CHST15: variants seen among roughly 807,000 people sequenced by gnomAD.
The protein encoded by CHST15 is B cell RAG associated protein (GALNAC4S-6ST).
In CHST15, 30 loss-of-function variants were observed where a neutral mutation model predicts 53.6. The ratio of observed to expected loss-of-function variants is 0.56; its 90% CI spans 0.42 to 0.76. CHST15 has a LOEUF of 0.76. CHST15 is among the 30% of genes least tolerant of loss of function. CHST15 has a pLI of 0.00. For synonymous variants in CHST15, 296 were observed against 289.8 expected (o/e 1.02, Z -0.22); for missense variants, 627 against 740.5 (o/e 0.85, Z 1.78).
chr10:124,042,740 T>C (rs1947791610), intron 3 of CHST15, among the ~76,000 whole-genome samples: 1 of 152,136 alleles, frequency 6.6e-6, no homozygotes, highest in Admixed American at 6.5e-5. Flanking sequence ...TAGAAACATG[T>C]CTGCTTGGAG....
intron 5 of CHST15, among the ~76,000 whole-genome samples, chr10:124,037,615 T>C (rs1484744081): frequency 4.6e-5 from 7 of 152,318 alleles, no homozygotes; most frequent in Admixed American, 4.6e-4. Flanking sequence ...CCTGAGATTC[T>C]GCATTCACAC....
chr10:124,047,944 C>T (rs930286117), intron 1 of CHST15, among the ~76,000 whole-genome samples: 5 of 152,226 alleles, frequency 3.3e-5, no homozygotes, highest in Admixed American at 2.0e-4. Flanking sequence ...CACGCCACCC[C>T]TCAAACAACC....
chr10:124,049,173 G>A (rs759816587), intron 1 of CHST15, among the ~76,000 whole-genome samples: 2 of 152,150 alleles, frequency 1.3e-5, no homozygotes, highest in Admixed American at 1.3e-4. Flanking sequence ...TGAGTGTTGC[G>A]CATGTCCAGG....
Position 124,073,797 on chromosome 10 carries a change from T to C in CHST15, c.-513+19672A>G, listed in dbSNP as rs78576599. Among the ~76,000 whole-genome samples, 898 of 152,350 alleles carry C rather than the reference T, an allele frequency of 5.9e-3. 6 individuals are homozygous for C. The highest frequency in any genetic ancestry group is 0.02 in the African/African-American group (817 of 41,584). On this transcript the variant is annotated intron_variant, in intron 1 of 7. Coordinates refer to ENST00000435907, the MANE Select transcript of CHST15 (RefSeq NM_001270764.2). ...AAACCAAAGCTCCTCTGTTTGTGCATTTTAAAATGGTTAACAGAGCTCGTA... is the reference window on the plus strand; with the variant it reads ...AAACCAAAGCTCCTCTGTTTGTGCACTTTAAAATGGTTAACAGAGCTCGTA...
intron 1 of CHST15, among the ~76,000 whole-genome samples, chr10:124,079,066 G>A (rs920209185): frequency 1.3e-5 from 2 of 152,192 alleles, no homozygotes; most frequent in East Asian, 3.8e-4. Context: ...TAGGACTCAT[G>A]TGACTTGGGA....
At chr10:124,064,334 T>G (rs1249373962) in intron 1 of CHST15, among the ~76,000 whole-genome samples, 1 of 152,200 alleles carries the variant, frequency 6.6e-6, no homozygotes, top group African/African-American at 2.4e-5. Flanking sequence ...TCAGATTAAG[T>G]AAGAATTTCG....
Position 124,044,705 on chromosome 10 carries a change from G to A in CHST15, c.761C>T (p.Pro254Leu). ...GGGCTGCCCTATGATGTAGAAGTGC[G>A]GCAGGCAGCGCAGGCGGAAGTGCTT... ...HGKHFRLRCL[P>L]HFYIIGQPKC... is the part of the protein sequence containing the mutation. The change falls in exon 3 of 8, where the codon CCG becomes CTG. Residue 254 changes from proline (P) to leucine (L), a missense_variant. Pro to Leu is a moderately conservative substitution (Grantham distance 98, BLOSUM62 -3). Coordinates refer to ENST00000435907, the MANE Select transcript of CHST15 (RefSeq NM_001270764.2). 2 of 1,613,864 alleles carry A rather than the reference G, an allele frequency of 1.2e-6. No homozygotes were observed. The highest frequency in any genetic ancestry group is 1.3e-5 in the African/African-American group (1 of 75,032).
Position 124,044,683 on chromosome 10 carries a change from C to A in CHST15, c.783G>T (p.Gln261His). 6.2e-7 allele frequency: 1 copy of A among 1,613,678 alleles called. No homozygotes were observed. Among genetic ancestry groups the A allele is most frequent in the Non-Finnish European group, 8.5e-7 (1 of 1,179,832 alleles). ...RCLPHFYIIG[Q>H]PKCGTTDLYD... ...AGAGGTCTGTGGTCCCGCACTTGGG[C>A]TGCCCTATGATGTAGAAGTGCGGCA... The change falls in exon 3 of 8, where the codon CAG (glutamine) becomes CAT (histidine). Residue 261 changes from glutamine (Q) to histidine (H), a missense_variant. Gln to His is a conservative substitution (Grantham distance 24). Coordinates refer to ENST00000435907, the MANE Select transcript of CHST15 (RefSeq NM_001270764.2).
intron 5 of CHST15, among the ~76,000 whole-genome samples, chr10:124,029,788 G>A (rs1161659507): frequency 1.3e-5 from 2 of 152,232 alleles, no homozygotes; most frequent in African/African-American, 2.4e-5. Context: ...TATGTGACAT[G>A]TGCTGCCACC....
chr10:124,034,053 C>T (rs1024927987), intron 5 of CHST15, among the ~76,000 whole-genome samples: 4 of 152,208 alleles, frequency 2.6e-5, no homozygotes, highest in African/African-American at 4.8e-5. Context: ...TGAGCCATGA[C>T]GAAGCCGCCG....
In CHST15 at chr10:124,075,274, C is replaced by T. The variant is rs185540481; in HGVS notation, c.-513+18195G>A. On this transcript the variant is annotated intron_variant, in intron 1 of 7. Transcript: ENST00000435907. ...TACAATCCCAGACACCCAGGAACAG[C>T]ACAGACCTCCCTCCACACATCTGAG... 1.7e-4 allele frequency among the ~76,000 whole-genome samples: 26 copies of T among 152,312 alleles called. No individual in the cohort carries two copies. In the East Asian group the frequency reaches 5.0e-3, roughly 29 times the overall value.
intron 6 of CHST15, chr10:124,020,010 C>T (rs28712887): frequency 0.037 from 36,647 of 985,598 alleles, 1,215 homozygotes; most frequent in East Asian, 0.27. Flanking sequence ...CCTGAAGCCC[C>T]GTTCTCAGGT....
chr10:124,071,971 G>A (rs1340204698), intron 1 of CHST15, among the ~76,000 whole-genome samples: 4 of 152,210 alleles, frequency 2.6e-5, no homozygotes, highest in Non-Finnish European at 4.4e-5. Context: ...CAGGCCAGGC[G>A]CTCCTGGAGC....
rs1003696414 is a variant in CHST15 at position 124,036,861 on chromosome 10, G to A, written c.1190+1654C>T. Among the ~76,000 whole-genome samples, 1 of 152,166 alleles carries A rather than the reference G, an allele frequency of 6.6e-6. No individual in the cohort carries two copies. Among genetic ancestry groups the A allele is most frequent in the South Asian group, 2.1e-4 (1 of 4,830 alleles). On this transcript the variant is annotated intron_variant, in intron 5 of 7. Coordinates refer to ENST00000435907, the MANE Select transcript of CHST15 (RefSeq NM_001270764.2). The surrounding 1 kb of genome is among the most constrained non-coding windows in gnomAD (Gnocchi z 5.1). Reference sequence around the variant, plus strand: ...GGGCCAGGAAGGTATGCCACCTGAAGAAGGGGTCCCAGGGGTCAGTTTCCC... The same window carrying A: ...GGGCCAGGAAGGTATGCCACCTGAAAAAGGGGTCCCAGGGGTCAGTTTCCC...
chr10:124,057,685 T>C (rs769552802), intron 1 of CHST15, among the ~76,000 whole-genome samples: 2 of 152,190 alleles, frequency 1.3e-5, no homozygotes, highest in Non-Finnish European at 2.9e-5. Context: ...GCAGAAGAAC[T>C]AGCTCTGCTC....
chr10:124,064,477 G>A (rs1948689954), intron 1 of CHST15, among the ~76,000 whole-genome samples: 2 of 152,132 alleles, frequency 1.3e-5, no homozygotes, highest in Admixed American at 6.5e-5. Context: ...TTCAGGGTGC[G>A]CAGCGTAGGC....
At chr10:124,051,816 A>G (rs1156486435) in intron 1 of CHST15, among the ~76,000 whole-genome samples, 1 of 152,198 alleles carries the variant, frequency 6.6e-6, no homozygotes, top group Non-Finnish European at 1.5e-5. Flanking sequence ...TAATTGAGAG[A>G]CCCAGAAATA....
rs1276234275 is a variant in CHST15 at position 124,024,983 on chromosome 10, C to A, written c.1191-3571G>T. The stretch of plus-strand genomic sequence containing the variant: ...GCCCAGTTTTTACCAAAGATGCCCA[C>A]AGAACTACCCAAATTGTTTGGTGGA... On this transcript the variant is annotated intron_variant, in intron 5 of 7. Coordinates refer to ENST00000435907, the MANE Select transcript of CHST15 (RefSeq NM_001270764.2). This position sits in a 1 kb window ranked among gnomAD's most constrained non-coding sequence, Gnocchi z 4.0. 6.6e-6 allele frequency among the ~76,000 whole-genome samples: 1 copy of A among 152,196 alleles called. No homozygotes were observed. Among genetic ancestry groups the A allele is most frequent in the African/African-American group, 2.4e-5 (1 of 41,442 alleles).
chr10:124,061,837 G>C (rs964966823), intron 1 of CHST15, among the ~76,000 whole-genome samples: 2 of 152,032 alleles, frequency 1.3e-5, no homozygotes, highest in African/African-American at 4.8e-5. Context: ...CGTCAGATCA[G>C]GTGAAATAGG....
Sources: allele counts gnomAD v4.1 joint callset (sites outside exome capture counted in the v4.1 genomes callset), GRCh38; gene constraint gnomAD v4.1.1; non-coding constraint Gnocchi (gnomAD v3.1); transcripts MANE v1.5; gene names NCBI Gene and HGNC (gene_info 2026-07-23, HGNC 2026-07-21).